PRKAR1B: variants seen among roughly 807,000 people sequenced by gnomAD.
PRKAR1B encodes protein kinase cAMP-dependent type I regulatory subunit beta.
Under a neutral mutation model 46.5 loss-of-function variants are expected in PRKAR1B, and 22 were observed. The observed-to-expected ratio is 0.47, with a 90% CI of 0.34 to 0.68. The LOEUF (loss-of-function observed/expected upper bound fraction) is 0.68, where lower values mean the gene tolerates loss of function less well. PRKAR1B is among the 30% of genes least tolerant of loss of function. The pLI, the probability that PRKAR1B is intolerant of heterozygous loss-of-function variation, is 0.01. For synonymous variants in PRKAR1B, 259 were observed against 217.7 expected, an observed-to-expected ratio of 1.19 and a Z score of -1.67; for missense variants, 445 against 535.6, an observed-to-expected ratio of 0.83 and a Z score of 1.67.
At position 692,938 on chromosome 7, in the gene PRKAR1B, C is replaced by CT. The variant is rs1161505234; in HGVS notation, c.178-12213dup. On this transcript the variant is annotated intron_variant, in intron 2 of 10. Transcript: ENST00000537384. Reference sequence around the variant, plus strand: ...AGTTTGTTTGAGCAGGTGAGTGGGACTTTTTTTTTTTCTTGAGATGGAGTC... The same window carrying CT: ...AGTTTGTTTGAGCAGGTGAGTGGGACTTTTTTTTTTTTCTTGAGATGGAGTC... 3.3e-3 allele frequency among the ~76,000 whole-genome samples: 484 copies of CT among 146,986 alleles called. 24 individuals are homozygous for CT. In the East Asian group the frequency reaches 0.086, roughly 26 times the overall value.
At chr7:585,499 C>T (rs1780546282) in intron 7 of PRKAR1B, among the ~76,000 whole-genome samples, 2 of 152,142 alleles carry the variant, frequency 1.3e-5, no homozygotes, top group East Asian at 1.9e-4. Context: ...AGAGGCCACG[C>T]GTTCGAGTAG....
At chr7:607,557 G>A (rs1562558592) in intron 4 of PRKAR1B, 105 bp from the exon 5 acceptor site, 1 of 998,102 alleles carries the variant, frequency 1.0e-6, no homozygotes, top group Non-Finnish European at 1.6e-6. Flanking sequence ...CACAGTCATT[G>A]GGGAAAATGA....
intron 2 of PRKAR1B, among the ~76,000 whole-genome samples, chr7:694,284 C>CA (rs750716742): frequency 3.3e-5 from 5 of 151,174 alleles, no homozygotes; most frequent in African/African-American, 4.9e-5. Context: ...GACTCCATCT[C>CA]AAAAAAAAGA....
chr7:716,581 C>G (rs1780891613), intron 1 of PRKAR1B: 1 of 152,236 alleles, frequency 6.6e-6, no homozygotes, highest in Non-Finnish European at 1.5e-5. Flanking sequence ...TAATTGCTGT[C>G]TCCCCTGCTA....
chr7:680,545 G>C lies in PRKAR1B; in HGVS notation c.348+11C>G. 2 of 1,604,084 alleles carry C rather than the reference G, an allele frequency of 1.2e-6. No homozygotes were observed. Among genetic ancestry groups the C allele is most frequent in the South Asian group, 1.1e-5 (1 of 90,488 alleles). ...CCTGGGGACAGGAACCCCGTGACCC[G>C]TGAGCCTCACCTTCCTGACGTAGGA... On this transcript the variant is annotated intron_variant, in intron 3 of 10. Coordinates refer to ENST00000537384, the MANE Select transcript of PRKAR1B (RefSeq NM_001164760.2).
rs1282184428 is a variant in PRKAR1B at position 550,612 on chromosome 7, G to A, written c.974-10C>T. The A allele has an allele frequency of 6.5e-7, 1 of 1,546,752 alleles. No individual in the cohort carries two copies. Among genetic ancestry groups the A allele is most frequent in the Non-Finnish European group, 8.7e-7 (1 of 1,151,280 alleles). On this transcript the variant is annotated splice_polypyrimidine_tract_variant and intron_variant, in intron 10 of 10. Coordinates refer to ENST00000537384, the MANE Select transcript of PRKAR1B (RefSeq NM_001164760.2). ...AGCAGTGCAATCTCCCCTGGGGGTT[G>A]AAGAGAGAGGTCAGGGCTGGGCCTG... is the stretch of plus-strand genomic sequence containing the variant.
chr7:599,334 G>A (rs1197824420), intron 6 of PRKAR1B, among the ~76,000 whole-genome samples: 1 of 150,548 alleles, frequency 6.6e-6, no homozygotes, highest in East Asian at 1.9e-4. Context: ...TTTCGCTCTT[G>A]TTCCTCAGGC....
At chr7:727,577 T>G, upstream of PRKAR1B, 8 of 192,040 alleles carry the variant, frequency 4.2e-5, no homozygotes, top group East Asian at 1.1e-4. Flanking sequence ...CCTTGTCCTC[T>G]ACCCCCATGT....
chr7:616,908 T>C (rs528687194), intron 4 of PRKAR1B, among the ~76,000 whole-genome samples: 145 of 152,180 alleles, frequency 9.5e-4, no homozygotes, highest in Middle Eastern at 6.8e-3. Context: ...AACAGCCAAG[T>C]GCTCATCCCG....
At chr7:705,522 T>A (rs1780280351) in intron 2 of PRKAR1B, among the ~76,000 whole-genome samples, 2 of 152,002 alleles carry the variant, frequency 1.3e-5, no homozygotes, top group South Asian at 4.1e-4. Flanking sequence ...GACCCAGGAA[T>A]CTCACTACTA....
chr7:688,894 G>A lies in PRKAR1B; in HGVS notation c.178-8168C>T, dbSNP rs147605623. Reference sequence around the variant, plus strand: ...CTAAATCTCTGGTGCTTAAAACAGCGCCTGCATACAGTAAATGCTTAATAC... The same window carrying A: ...CTAAATCTCTGGTGCTTAAAACAGCACCTGCATACAGTAAATGCTTAATAC... On this transcript the variant is annotated intron_variant, in intron 2 of 10. Transcript: ENST00000537384. 4.5e-3 allele frequency among the ~76,000 whole-genome samples: 678 copies of A among 152,262 alleles called. 1 individual carries two copies. Among genetic ancestry groups the A allele is most frequent in the African/African-American group, 6.8e-3 (281 of 41,544 alleles).
At position 579,249 on chromosome 7, in the gene PRKAR1B, G is replaced by A. The variant is rs757655424; in HGVS notation, c.891+7C>T. 1.5e-5 allele frequency: 24 copies of A among 1,613,920 alleles called. No homozygotes were observed. The highest frequency in any genetic ancestry group is 6.7e-5 in the African/African-American group (5 of 74,926). On this transcript the variant is annotated splice_region_variant and intron_variant, in intron 9 of 10. Transcript: ENST00000537384. ...CCCAGAGCGCCCACGTGGGAAGCACGTCTCACCTCCGTGATGATGTAAAAG... is the reference window on the plus strand; with the variant it reads ...CCCAGAGCGCCCACGTGGGAAGCACATCTCACCTCCGTGATGATGTAAAAG...
intron 2 of PRKAR1B, among the ~76,000 whole-genome samples, chr7:685,642 C>T (rs1220390682): frequency 1.3e-5 from 2 of 151,434 alleles, no homozygotes; most frequent in East Asian, 3.9e-4. Context: ...AGTTCACCTA[C>T]AAAGGACTGA....
chr7:649,649 C>T lies in PRKAR1B; in HGVS notation c.440+27580G>A, dbSNP rs909152138. ...CTGGATTGCAGTGACGACCCTGGGT[C>T]ACTGCAGCCTCCAACTCCCAGACCC... On this transcript the variant is annotated intron_variant, in intron 4 of 10. Transcript: ENST00000537384. Among the ~76,000 whole-genome samples, 4 of 152,184 alleles carry T rather than the reference C, an allele frequency of 2.6e-5. No homozygotes were observed. In the East Asian group the frequency reaches 7.7e-4, roughly 29 times the overall value.
At position 593,713 on chromosome 7, in the gene PRKAR1B, C is replaced by T. The variant is rs1166980289; in HGVS notation, c.708+2433G>A. Among the ~76,000 whole-genome samples the T allele has an allele frequency of 1.3e-5, 2 of 152,158 alleles. No individual in the cohort carries two copies. Among genetic ancestry groups the T allele is most frequent in the Non-Finnish European group, 1.5e-5 (1 of 68,024 alleles). ...GGCGACAGAGGCCTCCCAGTGAAGG[C>T]AGGAGTGAGCGGGTTCAGACAGAAG... On this transcript the variant is annotated intron_variant, in intron 7 of 10. Coordinates refer to ENST00000537384, the MANE Select transcript of PRKAR1B (RefSeq NM_001164760.2). The surrounding 1 kb of genome is among the most constrained non-coding windows in gnomAD (Gnocchi z 6.1).
intron 6 of PRKAR1B, among the ~76,000 whole-genome samples, chr7:603,966 G>A (rs986263368): frequency 2.6e-5 from 4 of 152,150 alleles, no homozygotes; most frequent in African/African-American, 4.8e-5. Context: ...GGGATAAAGC[G>A]GTGGGTCCAG....
chr7:636,108 T>A (rs79377877), intron 4 of PRKAR1B, among the ~76,000 whole-genome samples: 145 of 6,782 alleles, frequency 0.021, 2 homozygotes, highest in East Asian at 0.028. Flanking sequence ...GGCCGCGCCC[T>A]CACGTCCTCC....
rs141934803 is a variant in PRKAR1B at position 557,298 on chromosome 7, G to A, written c.892-5828C>T. Among the ~76,000 whole-genome samples, 187 of 152,342 alleles carry A rather than the reference G, an allele frequency of 1.2e-3. 2 individuals are homozygous for A. The East Asian group carries it at 0.032, about 26-fold the overall frequency. ...GTGACCAGGCCCCTGGTGGAGCCAC[G>A]ACTCGGGAGGGCCACATGGGACAGA... On this transcript the variant is annotated intron_variant, in intron 9 of 10. Transcript: ENST00000537384.
At chr7:682,070 G>C (rs1257934229) in intron 2 of PRKAR1B, among the ~76,000 whole-genome samples, 1 of 151,978 alleles carries the variant, frequency 6.6e-6, no homozygotes, top group Non-Finnish European at 1.5e-5. Context: ...AGGGAGGAGG[G>C]AGCAGGGAGG....
Sources: allele counts gnomAD v4.1 joint callset (sites outside exome capture counted in the v4.1 genomes callset), GRCh38; gene constraint gnomAD v4.1.1; non-coding constraint Gnocchi (gnomAD v3.1); transcripts MANE v1.5; gene names NCBI Gene and HGNC (gene_info 2026-07-23, HGNC 2026-07-21).